PINK1: variants seen among roughly 807,000 people sequenced by gnomAD.
PINK1 encodes serine/threonine-protein kinase PINK1, mitochondrial.
Under a neutral mutation model 56.0 loss-of-function variants are expected in PINK1, and 58 were observed. The ratio of observed to expected loss-of-function variants is 1.04; its 90% CI spans 0.84 to 1.29. The LOEUF (loss-of-function observed/expected upper bound fraction) is 1.29. Ranked by LOEUF, PINK1 falls within the 50% of genes most tolerant of loss-of-function variation. The probability of loss-of-function intolerance (pLI) is 0.00; values close to 1 mark genes in which losing one functional copy is unlikely to be tolerated. For synonymous variants in PINK1, 354 were observed against 339.3 expected (o/e 1.04, Z -0.48); for missense variants, 745 against 777.9 (o/e 0.96, Z 0.50).
At position 20,633,918 on chromosome 1, in the gene PINK1, G is replaced by T; in HGVS notation, c.370G>T (p.Ala124Ser). The change falls in exon 1 of 8, where the codon GCC becomes TCC. Residue 124 changes from alanine to serine, a missense_variant. By Grantham distance (99) the Ala-to-Ser change is moderately conservative. Transcript: ENST00000321556. ...KQAESRRAVS[A>S]CQEIQAIFTQ... ...GGCGGAGAGCCGGCGGGCGGTCTCG[G>T]CCTGTCAGGAGATCCAGGTGAGCGG... 3.2e-6 allele frequency: 5 copies of T among 1,584,770 alleles called. No individual in the cohort carries two copies. The South Asian group carries it at 5.7e-5, about 18-fold the overall frequency.
chr1:20,633,931 T>C lies in PINK1; in HGVS notation c.383T>C (p.Ile128Thr). 6.5e-7 allele frequency: 1 copy of C among 1,548,966 alleles called. No individual in the cohort carries two copies. Among genetic ancestry groups the C allele is most frequent in the Non-Finnish European group, 8.7e-7 (1 of 1,150,008 alleles). ...SRRAVSACQE[I>T]QAIFTQKSKP... ...CGGGCGGTCTCGGCCTGTCAGGAGA[T>C]CCAGGTGAGCGGGGCCGGGTCCTAA... The change falls in exon 1 of 8, where the codon ATC becomes ACC. Residue 128 changes from isoleucine (I) to threonine (T), a missense_variant. Transcript: ENST00000321556.
chr1:20,638,141 G>C lies in PINK1; in HGVS notation c.675+12G>C. Reference sequence around the variant, plus strand: ...TGTGGAACATCTCGGTAAGCACCAGGCCTTTCATCTTTAAAGGAGATGTTC... The same window carrying C: ...TGTGGAACATCTCGGTAAGCACCAGCCCTTTCATCTTTAAAGGAGATGTTC... On this transcript the variant is annotated intron_variant, in intron 2 of 7. Transcript: ENST00000321556. The C allele has an allele frequency of 2.5e-6, 4 of 1,608,306 alleles. No homozygotes were observed. The highest frequency in any genetic ancestry group is 2.5e-6 in the Non-Finnish European group (3 of 1,179,836).
chr1:20,634,011 G>A (rs918611736), intron 1 of PINK1, 76 bp downstream of exon 1: 52 of 1,501,174 alleles, frequency 3.5e-5, no homozygotes, highest in Non-Finnish European at 4.5e-5. Flanking sequence ...GGGTGGGGGC[G>A]GGGCTAGGTG....
At chr1:20,646,058 G>A (rs1033227611) in intron 5 of PINK1, among the ~76,000 whole-genome samples, 1 of 152,050 alleles carries the variant, frequency 6.6e-6, no homozygotes, top group Admixed American at 6.6e-5. Flanking sequence ...GATTGCTTGA[G>A]GCCAGCAGTT....
intron 3 of PINK1, 100 bp downstream of exon 3, chr1:20,640,092 G>C (rs1271711293): frequency 1.0e-6 from 1 of 991,424 alleles, no homozygotes; most frequent in African/African-American, 1.6e-5. Context: ...TGATATGACA[G>C]TAGATAATAA....
chr1:20,649,813 AT>A (rs1236379833), intron 7 of PINK1: 3 of 162,096 alleles, frequency 1.9e-5, no homozygotes, highest in Non-Finnish European at 4.1e-5. Flanking sequence ...AAAAGGAGGC[AT>A]TTTTGAGAAA....
chr1:20,649,594 G>A lies in PINK1; in HGVS notation c.1488+363G>A, dbSNP rs139289964. The A allele has an allele frequency of 5.5e-4, 149 of 272,716 alleles. 1 individual carries two copies. Among genetic ancestry groups the A allele is most frequent in the African/African-American group, 2.4e-3 (109 of 45,668 alleles). The allele number at this position is 272,716 out of a possible 1,614,324, so 16.9% of individuals were successfully genotyped here. On this transcript the variant is annotated intron_variant, in intron 7 of 7. Coordinates refer to ENST00000321556, the MANE Select transcript of PINK1 (RefSeq NM_032409.3). Reference sequence around the variant, plus strand: ...AGCCTGGCCAACATGGTAAAACCCCGTCTGTACTAAAAATACAAAAATTAG... The same window carrying A: ...AGCCTGGCCAACATGGTAAAACCCCATCTGTACTAAAAATACAAAAATTAG...
chr1:20,636,699 G>A (rs907960463), intron 1 of PINK1, among the ~76,000 whole-genome samples: 1 of 152,188 alleles, frequency 6.6e-6, no homozygotes, highest in East Asian at 1.9e-4. Context: ...GTTGCTTACA[G>A]ATAGCAGGTG....
intron 4 of PINK1, 108 bp downstream of exon 4, chr1:20,644,780 A>G (rs1471903722): frequency 2.1e-6 from 3 of 1,397,980 alleles, no homozygotes; most frequent in Non-Finnish European, 2.9e-6. Context: ...GAACAGGGTC[A>G]TCACCCTTCC....
rs185770907 is a variant in PINK1, at chr1:20,635,606, T to G, written c.387+1671T>G. Among the ~76,000 whole-genome samples, 1,013 of 152,062 alleles carry G rather than the reference T, an allele frequency of 6.7e-3. 5 individuals are homozygous for G. Among genetic ancestry groups the G allele is most frequent in the Non-Finnish European group, 0.01 (711 of 67,994 alleles). On this transcript the variant is annotated intron_variant, in intron 1 of 7. Coordinates refer to ENST00000321556, the MANE Select transcript of PINK1 (RefSeq NM_032409.3). Reference sequence around the variant, plus strand: ...GCTCATGCCTGTAATCTCAGCACTTTGGGAGGCCAAGGCGGGCGGATCATG... The same window carrying G: ...GCTCATGCCTGTAATCTCAGCACTTGGGGAGGCCAAGGCGGGCGGATCATG...
intron 7 of PINK1, chr1:20,650,010 A>G: frequency 3.5e-6 from 1 of 286,366 alleles, no homozygotes; most frequent in East Asian, 8.2e-5. Context: ...GAGCTGAGCC[A>G]TACCTGCACC....
rs1178515076 is a variant in PINK1 at position 20,633,623 on chromosome 1, C to G, written c.75C>G (p.Pro25=). The change falls in exon 1 of 8, where the codon CCC becomes CCG. Residue 25 remains proline, a synonymous_variant. Transcript: ENST00000321556. ...RALLLRFTGK[P]GRAYGLGRPG... is the part of the protein sequence containing the mutation. The stretch of plus-strand genomic sequence containing the variant: ...TGCTGCTGCGCTTCACGGGCAAGCC[C>G]GGCCGGGCCTACGGCTTGGGGCGGC... 3.9e-6 allele frequency: 5 copies of G among 1,295,152 alleles called. No individual in the cohort carries two copies. The African/African-American group carries it at 7.8e-5, about 20-fold the overall frequency. 80.2% of individuals were successfully genotyped at this position (1,295,152 alleles called of 1,614,324 possible). A position where few individuals can be genotyped will look rare whatever the true frequency, so the allele number is the denominator to read the frequency against.
chr1:20,636,287 T>A (rs1557560592), intron 1 of PINK1, among the ~76,000 whole-genome samples: 1 of 150,980 alleles, frequency 6.6e-6, no homozygotes, highest in Non-Finnish European at 1.5e-5. Context: ...ATAGTATATT[T>A]TATATATATA....
At chr1:20,648,675 C>G (rs71653623) in intron 6 of PINK1, 43 bp downstream of exon 6, 52 of 1,609,234 alleles carry the variant, frequency 3.2e-5, no homozygotes, top group East Asian at 1.8e-4. Context: ...GCCCTTCCCC[C>G]ACATGTCCAC....
Position 20,633,856 on chromosome 1 carries a change from C to A in PINK1, c.308C>A (p.Ala103Asp). 1.9e-6 allele frequency: 3 copies of A among 1,578,132 alleles called. No individual in the cohort carries two copies. The highest frequency in any genetic ancestry group is 1.7e-6 in the Non-Finnish European group (2 of 1,164,542). ...CCTTGCGGCCGGGCAGTCTTTCTGG[C>A]CTTCGGGCTAGGGCTGGGCCTCATC... ...AGPCGRAVFL[A>D]FGLGLGLIEE... The change falls in exon 1 of 8, where the codon GCC becomes GAC. Residue 103 changes from alanine (A) to aspartate (D), a missense_variant. By Grantham distance (126) the Ala-to-Asp change is moderately radical (BLOSUM62 -2). Coordinates refer to ENST00000321556, the MANE Select transcript of PINK1 (RefSeq NM_032409.3).
At chr1:20,644,752 T>C (rs964717973) in intron 4 of PINK1, 80 bp downstream of exon 4, 78 of 1,539,104 alleles carry the variant, frequency 5.1e-5, no homozygotes, top group Non-Finnish European at 6.5e-5. Context: ...ATGTGCACCT[T>C]GATCAGGGGG....
At chr1:20,635,864 TAA>T (rs1456405782) in intron 1 of PINK1, among the ~76,000 whole-genome samples, 2 of 29,448 alleles carry the variant, frequency 6.8e-5, no homozygotes, top group Non-Finnish European at 1.9e-4. Flanking sequence ...AAATAAAAAA[TAA>T]AAAAATAAAA....
intron 3 of PINK1, chr1:20,643,016 G>C (rs563298062): frequency 3.3e-5 from 5 of 152,452 alleles, no homozygotes; most frequent in African/African-American, 1.2e-4. Flanking sequence ...CTGTCCACAT[G>C]CTGTTCTTTC....
intron 7 of PINK1, chr1:20,650,059 C>T (rs905370982): frequency 2.6e-5 from 9 of 348,760 alleles, no homozygotes; most frequent in Admixed American, 3.9e-5. Context: ...GCTCTCTGTA[C>T]GTGGCCTGCT....
Sources: gnomAD v4.1 joint callset for allele counts (sites outside exome capture counted in the v4.1 genomes callset) on GRCh38, gnomAD v4.1.1 for gene constraint, MANE v1.5 for transcripts, NCBI Gene and HGNC (gene_info 2026-07-23, HGNC 2026-07-21) for gene names.